RASGRF2: variants seen among roughly 807,000 people sequenced by gnomAD.
The protein encoded by RASGRF2 is ras-specific guanine nucleotide-releasing factor 2.
A neutral mutation model predicts 151.0 loss-of-function variants in RASGRF2; 76 were observed. The observed-to-expected ratio is 0.50, with a 90% CI of 0.42 to 0.61. The LOEUF (loss-of-function observed/expected upper bound fraction) is 0.61, where lower values mean the gene tolerates loss of function less well. RASGRF2 is among the 20% of genes least tolerant of loss of function. The pLI is 0.00. For missense variants in RASGRF2, 1,148 were observed against 1,564.6 expected (o/e 0.73, Z 4.49); for synonymous variants, 504 against 566.5 (o/e 0.89, Z 1.57).
chr5:80,993,924 G>A (rs886450680), intron 1 of RASGRF2, among the ~76,000 whole-genome samples: 2 of 152,130 alleles, frequency 1.3e-5, no homozygotes, highest in African/African-American at 2.4e-5. Context: ...ATGGGGTGAA[G>A]AAGGTTGGAG....
chr5:80,988,785 C>T (rs923852812), intron 1 of RASGRF2, among the ~76,000 whole-genome samples: 5 of 152,144 alleles, frequency 3.3e-5, no homozygotes, highest in African/African-American at 9.7e-5. Context: ...TAACGTCTGG[C>T]ACATAACGAA....
chr5:81,035,860 A>G (rs1199619616), intron 1 of RASGRF2, among the ~76,000 whole-genome samples: 1 of 152,208 alleles, frequency 6.6e-6, no homozygotes, highest in Non-Finnish European at 1.5e-5. Flanking sequence ...AATTAGTAAT[A>G]TTTGAAGAGA....
chr5:81,201,009 C>G (rs1755376307), intron 18 of RASGRF2, among the ~76,000 whole-genome samples: 1 of 152,022 alleles, frequency 6.6e-6, no homozygotes, highest in Admixed American at 6.5e-5. Flanking sequence ...AGAGAAGAGG[C>G]TGGAGGGGTG....
chr5:81,158,133 G>T (rs1341282961), intron 17 of RASGRF2, among the ~76,000 whole-genome samples: 1 of 152,108 alleles, frequency 6.6e-6, no homozygotes, highest in Non-Finnish European at 1.5e-5. Flanking sequence ...CTTACTATAA[G>T]ACTACAGTTA....
At chr5:81,181,646 C>A (rs1232021493) in intron 18 of RASGRF2, among the ~76,000 whole-genome samples, 2 of 152,112 alleles carry the variant, frequency 1.3e-5, no homozygotes, top group Non-Finnish European at 2.9e-5. Context: ...TTATTCCTCT[C>A]TGATTTTTTC....
At chr5:80,971,257 A>G (rs1480764332) in intron 1 of RASGRF2, among the ~76,000 whole-genome samples, 1 of 152,172 alleles carries the variant, frequency 6.6e-6, no homozygotes, top group Non-Finnish European at 1.5e-5. Context: ...GTGGGTAGCC[A>G]CCATCCTTAA....
At chr5:81,156,410 A>G (rs547475385) in intron 17 of RASGRF2, among the ~76,000 whole-genome samples, 5 of 152,234 alleles carry the variant, frequency 3.3e-5, no homozygotes, top group Non-Finnish European at 5.9e-5. Context: ...GAAGAAAATT[A>G]CAAACTAATA....
At chr5:81,036,157 TG>T (rs200391135) in intron 1 of RASGRF2, among the ~76,000 whole-genome samples, 3,711 of 152,266 alleles carry the variant, frequency 0.024, 71 homozygotes, top group Middle Eastern at 0.11. Context: ...TTTTTCATTT[TG>T]GTCTTTTTTC....
At chr5:81,149,709 C>T (rs1327434440) in intron 17 of RASGRF2, among the ~76,000 whole-genome samples, 1 of 152,086 alleles carries the variant, frequency 6.6e-6, no homozygotes, top group African/African-American at 2.4e-5. Context: ...CTCTCATTCT[C>T]AAAGACTGGC....
At chr5:81,109,940 T>C (rs1752950661) in intron 13 of RASGRF2, among the ~76,000 whole-genome samples, 1 of 152,214 alleles carries the variant, frequency 6.6e-6, no homozygotes, top group African/African-American at 2.4e-5. Context: ...ACACTAGATT[T>C]ATTCCCAAGG....
At chr5:81,094,722 G>A in intron 11 of RASGRF2, 134 bp from the exon 12 acceptor site, 1 of 955,124 alleles carries the variant, frequency 1.0e-6, no homozygotes, top group African/African-American at 1.7e-5. Context: ...TCATGCCTGA[G>A]AAGTACGATA....
chr5:81,055,357 AG>A (rs1751164134), intron 2 of RASGRF2, among the ~76,000 whole-genome samples: 1 of 152,158 alleles, frequency 6.6e-6, no homozygotes, highest in Non-Finnish European at 1.5e-5. Flanking sequence ...ATTTTGTCAA[AG>A]GCCTCTTCTG....
At chr5:81,159,199 A>G (rs746450102) in intron 17 of RASGRF2, among the ~76,000 whole-genome samples, 1 of 152,264 alleles carries the variant, frequency 6.6e-6, no homozygotes, top group South Asian at 2.1e-4. Flanking sequence ...GGGACATGCT[A>G]CAGCATGGAT....
intron 17 of RASGRF2, among the ~76,000 whole-genome samples, chr5:81,148,372 C>T (rs248992): frequency 0.37 from 56,896 of 152,032 alleles, 11,926 homozygotes; most frequent in East Asian, 0.81. Flanking sequence ...TTCTCAGATT[C>T]AGCCACTTCC....
intron 1 of RASGRF2, among the ~76,000 whole-genome samples, chr5:80,993,290 C>A (rs1748714185): frequency 6.6e-6 from 1 of 152,118 alleles, no homozygotes; most frequent in Non-Finnish European, 1.5e-5. Flanking sequence ...CTCAACCAAA[C>A]CATATTTTTA....
At chr5:80,990,670 C>T (rs1748621610) in intron 1 of RASGRF2, among the ~76,000 whole-genome samples, 1 of 152,154 alleles carries the variant, frequency 6.6e-6, no homozygotes, top group Admixed American at 6.5e-5. Flanking sequence ...TTTGTACTTC[C>T]AGGCTAGGTT....
intron 17 of RASGRF2, among the ~76,000 whole-genome samples, chr5:81,146,574 G>T (rs991648243): frequency 6.6e-6 from 1 of 152,060 alleles, no homozygotes; most frequent in Non-Finnish European, 1.5e-5. Context: ...ATTCTGGGAC[G>T]AAAAACTTGG....
At chr5:80,971,073 T>C (rs1213518769) in intron 1 of RASGRF2, among the ~76,000 whole-genome samples, 1 of 152,220 alleles carries the variant, frequency 6.6e-6, no homozygotes, top group Non-Finnish European at 1.5e-5. Context: ...AAATTAAAAA[T>C]AAACCTATTT....
intron 18 of RASGRF2, among the ~76,000 whole-genome samples, chr5:81,186,230 A>C (rs1755022967): frequency 6.6e-6 from 1 of 152,128 alleles, no homozygotes; most frequent in African/African-American, 2.4e-5. Flanking sequence ...AGGGCAATAA[A>C]CTTCAGTGTG....
Sources: allele counts gnomAD v4.1 joint callset (sites outside exome capture counted in the v4.1 genomes callset), GRCh38; gene constraint gnomAD v4.1.1; transcripts MANE v1.5; gene names NCBI Gene and HGNC (gene_info 2026-07-23, HGNC 2026-07-21).